The following DTD1 variants were observed in gnomAD, a reference collection of about 807,000 sequenced individuals.
The protein encoded by DTD1 is D-aminoacyl-tRNA deacylase 1.
In DTD1, 13 loss-of-function variants were observed where a neutral mutation model predicts 25.6. The ratio of observed to expected loss-of-function variants is 0.51; its 90% CI spans 0.33 to 0.81. DTD1 has a LOEUF of 0.81. DTD1 is among the 30% of genes least tolerant of loss of function. The pLI, the probability that DTD1 is intolerant of heterozygous loss-of-function variation, is 0.02. For missense variants in DTD1, 193 were observed against 266.4 expected (o/e 0.72, Z 1.92); for synonymous variants, 110 against 103.6 (o/e 1.06, Z -0.37).
chr20:18,658,231 C>T, intron 4 of DTD1, among the ~76,000 whole-genome samples: 1 of 135,884 alleles, frequency 7.4e-6, no homozygotes, highest in South Asian at 2.5e-4. Flanking sequence ...GTGTGTGTTT[C>T]CCCCACCCCT....
At chr20:18,744,072 A>G (rs2061290060) in intron 4 of DTD1, 28 bp from the exon 5 acceptor site, 1 of 1,549,082 alleles carries the variant, frequency 6.5e-7, no homozygotes, top group Non-Finnish European at 8.7e-7. Flanking sequence ...TGTTTGTAAA[A>G]TATTCTTTTT....
In DTD1 at chr20:18,628,208, G is replaced by C. The variant is rs1000555965; in HGVS notation, c.452G>C (p.Gly151Ala). Residue 151 changes from glycine to alanine, a missense_variant, in exon 4 of 6, where the codon GGC (glycine) becomes GCC (alanine). Coordinates refer to ENST00000377452, the MANE Select transcript of DTD1 (RefSeq NM_080820.6). ...ATAGAGCTGGAATCGCCAGCTCCCG[G>C]CACTGCTACCTCTGACCCAAAGCAG... ...VTIELESPAPGTATSDPKQLS... is the reference protein window; with the variant it reads ...VTIELESPAPATATSDPKQLS... 3 of 1,613,770 alleles carry C rather than the reference G, an allele frequency of 1.9e-6. No individual in the cohort carries two copies. In the Admixed American group the frequency reaches 5.0e-5, roughly 27 times the overall value.
chr20:18,760,885 A>T (rs2061358999), intron 5 of DTD1, among the ~76,000 whole-genome samples: 2 of 152,178 alleles, frequency 1.3e-5, no homozygotes, highest in Non-Finnish European at 2.9e-5. Context: ...GGCTCCACCC[A>T]GTTCGAGCTT....
chr20:18,628,017 G>T, intron 3 of DTD1, 110 bp from the exon 4 acceptor site: 1 of 888,250 alleles, frequency 1.1e-6, no homozygotes, highest in Non-Finnish European at 1.8e-6. Flanking sequence ...AAGTTTCCCA[G>T]TATTGAGTAT....
intron 5 of DTD1, among the ~76,000 whole-genome samples, chr20:18,751,063 C>CTG (rs2061319243): frequency 1.2e-5 from 1 of 83,962 alleles, no homozygotes; most frequent in Non-Finnish European, 3.1e-5. Context: ...GCTACAGCAG[C>CTG]CGTGTGTGTG....
intron 4 of DTD1, among the ~76,000 whole-genome samples, chr20:18,660,567 GAAGA>G (rs552358626): frequency 1.7e-3 from 258 of 151,996 alleles, no homozygotes; most frequent in African/African-American, 5.9e-3. Flanking sequence ...AAAGAAAAAG[GAAGA>G]AAGAAAACAA....
At chr20:18,724,946 G>A (rs903966950) in intron 4 of DTD1, among the ~76,000 whole-genome samples, 3 of 152,228 alleles carry the variant, frequency 2.0e-5, no homozygotes, top group African/African-American at 7.2e-5. Context: ...TTGATGCAGG[G>A]CAGGGAAGCC....
intron 4 of DTD1, 104 bp downstream of exon 4, chr20:18,628,337 C>T (rs1023816568): frequency 1.2e-5 from 10 of 863,924 alleles, no homozygotes; most frequent in Admixed American, 2.5e-5. Context: ...ATTGTTGCAA[C>T]GTTGTATTTA....
intron 3 of DTD1, among the ~76,000 whole-genome samples, chr20:18,607,152 T>C (rs991503366): frequency 1.3e-5 from 2 of 152,174 alleles, no homozygotes; most frequent in African/African-American, 4.8e-5. Context: ...TTCTATTTGC[T>C]ATTTTGTTGA....
intron 5 of DTD1, among the ~76,000 whole-genome samples, chr20:18,745,046 C>T (rs534626713): frequency 2.0e-5 from 3 of 152,278 alleles, no homozygotes; most frequent in South Asian, 2.1e-4. Context: ...ACTCACTCAC[C>T]GATACAGAAT....
rs1179202981 is a variant in DTD1 at position 18,766,059 on chromosome 20, TG to T, written c.*2724del. The T allele has an allele frequency of 6.6e-6, 1 of 152,182 alleles. No homozygotes were observed. The highest frequency in any genetic ancestry group is 1.5e-5 in the Non-Finnish European group (1 of 68,048). The allele number at this position is 152,182 out of a possible 1,614,324, so 9.4% of individuals were successfully genotyped here. A position where few individuals can be genotyped will look rare whatever the true frequency, so the allele number is the denominator to read the frequency against. ...AACATAGACCAAATAAAGGCATCTT[TG>T]GGGGCTGGATGTCCATAGCAGCACC... is the stretch of plus-strand genomic sequence containing the variant. On this transcript the variant is annotated 3_prime_UTR_variant, in exon 6 of 6. Coordinates refer to ENST00000377452, the MANE Select transcript of DTD1 (RefSeq NM_080820.6).
chr20:18,745,374 G>A (rs2061295877), intron 5 of DTD1, among the ~76,000 whole-genome samples: 1 of 152,192 alleles, frequency 6.6e-6, no homozygotes, highest in South Asian at 2.1e-4. Flanking sequence ...GCCAAGCACT[G>A]GACCAAATAC....
intron 1 of DTD1, among the ~76,000 whole-genome samples, chr20:18,590,639 T>C (rs1169375096): frequency 6.6e-6 from 1 of 151,972 alleles, no homozygotes; most frequent in Non-Finnish European, 1.5e-5. Context: ...CCTGGCTAAT[T>C]TTTTTGTATT....
At chr20:18,724,065 C>T (rs2061214930) in intron 4 of DTD1, among the ~76,000 whole-genome samples, 1 of 152,208 alleles carries the variant, frequency 6.6e-6, no homozygotes, top group Non-Finnish European at 1.5e-5. Context: ...CTATCTCCTG[C>T]CCCCTTTTAA....
intron 4 of DTD1, among the ~76,000 whole-genome samples, chr20:18,660,043 G>GCCTGGCCAACATGGTGAGACCCTATC (rs1442635118): frequency 6.6e-6 from 1 of 152,036 alleles, no homozygotes; most frequent in Non-Finnish European, 1.5e-5. Context: ...TTTGAGACCA[G>GCCTGGCCAACATGGTGAGACCCTATC]CCTGGCCAAC....
Position 18,661,572 on chromosome 20 carries a change from C to T in DTD1, c.477+33339C>T, listed in dbSNP as rs372996614. Among the ~76,000 whole-genome samples, 576 of 152,138 alleles carry T rather than the reference C, an allele frequency of 3.8e-3. 3 individuals are homozygous for T. The highest frequency in any genetic ancestry group is 0.013 in the African/African-American group (547 of 41,520). On this transcript the variant is annotated intron_variant, in intron 4 of 5. Transcript: ENST00000377452. ...ATTTTTAGTAGAGACGGGGTTTCAC[C>T]GTGTTAGCCAGGATGGTTTTGATCT...
chr20:18,595,874 A>G, intron 2 of DTD1, 132 bp from the exon 3 acceptor site: 1 of 733,144 alleles, frequency 1.4e-6, no homozygotes, highest in South Asian at 1.7e-5. Flanking sequence ...GCCTGAGGTC[A>G]TGCCTCCTGT....
At chr20:18,705,824 C>T (rs968409754) in intron 4 of DTD1, among the ~76,000 whole-genome samples, 1 of 152,184 alleles carries the variant, frequency 6.6e-6, no homozygotes, top group Admixed American at 6.5e-5. Flanking sequence ...AGACTTTGCT[C>T]TTGTAGCCCA....
chr20:18,708,244 A>AT (rs370120832), intron 4 of DTD1, among the ~76,000 whole-genome samples: 20,067 of 41,198 alleles, frequency 0.49, 5,041 homozygotes, highest in Middle Eastern at 0.6. Context: ...ATATATATAT[A>AT]ATATATATTA....
Sources: allele counts gnomAD v4.1 joint callset (sites outside exome capture counted in the v4.1 genomes callset), GRCh38; gene constraint gnomAD v4.1.1; transcripts MANE v1.5; gene names NCBI Gene and HGNC (gene_info 2026-07-23, HGNC 2026-07-21).